The following MTREX variants were observed in gnomAD, a reference collection of about 807,000 sequenced individuals.
The protein encoded by MTREX is Mtr4 exosome RNA helicase.
MTREX carries 76 observed loss-of-function variants against 135.4 expected under a neutral mutation model. The observed-to-expected ratio is 0.56, with a 90% confidence interval of 0.47 to 0.68. The LOEUF is 0.68. MTREX is among the 30% of genes least tolerant of loss of function. MTREX has a pLI of 0.00. For missense variants in MTREX, 920 were observed against 1,262.1 expected, an observed-to-expected ratio of 0.73 and a Z score of 4.11; for synonymous variants, 404 against 401.6, an observed-to-expected ratio of 1.01 and a Z score of -0.07.
At chr5:55,367,810 T>C (rs1179803802) in intron 16 of MTREX, among the ~76,000 whole-genome samples, 1 of 152,208 alleles carries the variant, frequency 6.6e-6, no homozygotes, top group Non-Finnish European at 1.5e-5. Flanking sequence ...TTCATTTGAA[T>C]GTGAAAAAGA....
chr5:55,327,715 G>C lies in MTREX; in HGVS notation c.340-1G>C. 6.2e-7 allele frequency: 1 copy of C among 1,612,044 alleles called. No individual in the cohort carries two copies. Among genetic ancestry groups the C allele is most frequent in the Non-Finnish European group, 8.5e-7 (1 of 1,178,654 alleles). On this transcript the variant is annotated splice_acceptor_variant, in intron 3 of 26. Coordinates refer to ENST00000230640, the MANE Select transcript of MTREX (RefSeq NM_015360.5). LOFTEE classifies it high-confidence loss of function. ...TTTTTTCTTTTTTACTTTGTTGTCA[G>C]GTTGCACTTCCTGCAGAAGAGGATT...
chr5:55,311,404 T>G (rs1280416277), intron 1 of MTREX, among the ~76,000 whole-genome samples: 1 of 152,192 alleles, frequency 6.6e-6, no homozygotes. Flanking sequence ...CCCTACACTG[T>G]TTTTATTGTT....
At chr5:55,391,275 G>A (rs775358490) in intron 19 of MTREX, among the ~76,000 whole-genome samples, 8 of 151,830 alleles carry the variant, frequency 5.3e-5, no homozygotes, top group African/African-American at 2.4e-5. Context: ...AACCCTGTCT[G>A]TACAAAAATA....
chr5:55,355,053 A>G (rs377091550), intron 14 of MTREX, among the ~76,000 whole-genome samples: 2 of 152,306 alleles, frequency 1.3e-5, no homozygotes, highest in East Asian at 3.9e-4. Flanking sequence ...GACATTTCAC[A>G]CAATATGATT....
intron 15 of MTREX, among the ~76,000 whole-genome samples, chr5:55,359,566 G>A (rs551810865): frequency 6.6e-6 from 1 of 152,216 alleles, no homozygotes; most frequent in East Asian, 1.9e-4. Flanking sequence ...TTACATGAGT[G>A]AAGACAAAGC....
Position 55,366,707 on chromosome 5 carries a change from A to AT in MTREX, c.1660-10dup, listed in dbSNP as rs775563472. On this transcript the variant is annotated splice_polypyrimidine_tract_variant and intron_variant, in intron 15 of 26. Coordinates refer to ENST00000230640, the MANE Select transcript of MTREX (RefSeq NM_015360.5). ...TTATTTGGAAAACTACAAAATTGAC[A>AT]TTTTTTTTCTCTCTTAGGGCTCCGC... 1.6e-5 allele frequency: 24 copies of AT among 1,513,512 alleles called. No individual in the cohort carries two copies. The highest frequency in any genetic ancestry group is 4.5e-5 in the Admixed American group (2 of 44,436). The allele number at this position is 1,513,512 out of a possible 1,614,324, so 93.8% of individuals were successfully genotyped here.
intron 2 of MTREX, 95 bp from the exon 3 acceptor site, chr5:55,324,037 C>T: frequency 1.2e-6 from 1 of 829,162 alleles, no homozygotes; most frequent in Non-Finnish European, 2.0e-6. Flanking sequence ...GATGATTGGA[C>T]AGTGTCATTT....
At chr5:55,347,410 T>A (rs1387431541) in intron 11 of MTREX, among the ~76,000 whole-genome samples, 1 of 152,206 alleles carries the variant, frequency 6.6e-6, no homozygotes, top group Admixed American at 6.5e-5. Context: ...TGCCTTCTTA[T>A]ACTTTGTTAC....
chr5:55,317,063 C>T (rs988584517), intron 1 of MTREX, among the ~76,000 whole-genome samples: 1 of 152,072 alleles, frequency 6.6e-6, no homozygotes, highest in African/African-American at 2.4e-5. Flanking sequence ...CACACACACC[C>T]TAGAAATACA....
chr5:55,369,366 A>G (rs1375633310), intron 16 of MTREX, among the ~76,000 whole-genome samples: 1 of 152,250 alleles, frequency 6.6e-6, no homozygotes, highest in Non-Finnish European at 1.5e-5. Context: ...ATAATTATAC[A>G]TACACACACA....
At chr5:55,369,270 G>A (rs1457736361) in intron 16 of MTREX, among the ~76,000 whole-genome samples, 1 of 152,072 alleles carries the variant, frequency 6.6e-6, no homozygotes, top group African/African-American at 2.4e-5. Flanking sequence ...ATTGAAACAG[G>A]TGTAAGATTA....
At chr5:55,378,535 CAT>C (rs750116161) in intron 17 of MTREX, 49 bp downstream of exon 17, 19 of 1,523,426 alleles carry the variant, frequency 1.2e-5, no homozygotes, top group South Asian at 1.3e-5. Context: ...AATATTTAAA[CAT>C]ATTTTTGTTA....
At chr5:55,389,846 A>ATGTTTTATAAATATATTGTTTGCC (rs1750537682) in intron 19 of MTREX, among the ~76,000 whole-genome samples, 1 of 151,940 alleles carries the variant, frequency 6.6e-6, no homozygotes, top group Admixed American at 6.6e-5. Context: ...ATAATTATAT[A>ATGTTTTATAAATATATTGTTTGCC]TGTTTTATAA....
chr5:55,422,782 T>C, intron 25 of MTREX, 96 bp from the exon 26 acceptor site: 1 of 851,610 alleles, frequency 1.2e-6, no homozygotes, highest in African/African-American at 1.7e-5. Flanking sequence ...AAAGTACTAT[T>C]AATTATCGTG....
At position 55,313,591 on chromosome 5, in the gene MTREX, CAG is replaced by C. The variant is rs146103640; in HGVS notation, c.134+5445_134+5446del. Among the ~76,000 whole-genome samples, 697 of 152,212 alleles carry C rather than the reference CAG, an allele frequency of 4.6e-3. 5 individuals carry two copies. Among genetic ancestry groups the C allele is most frequent in the African/African-American group, 0.016 (661 of 41,528 alleles). On this transcript the variant is annotated intron_variant, in intron 1 of 26. Coordinates refer to ENST00000230640, the MANE Select transcript of MTREX (RefSeq NM_015360.5). Reference sequence around the variant, plus strand: ...TTTTGCCCTCAATATATTGTGGTAACAGTGAAAATACTCTGTAGTAGTTCTTT... The same window carrying C: ...TTTTGCCCTCAATATATTGTGGTAACTGAAAATACTCTGTAGTAGTTCTTT...
At chr5:55,323,161 T>C (rs1436789045) in intron 2 of MTREX, among the ~76,000 whole-genome samples, 1 of 152,198 alleles carries the variant, frequency 6.6e-6, no homozygotes, top group Non-Finnish European at 1.5e-5. Context: ...GATGTGTCAC[T>C]GGAATATTTA....
At position 55,369,940 on chromosome 5, in the gene MTREX, A is replaced by T. The variant is rs539676050; in HGVS notation, c.1810+3065A>T. ...CTTTTTTTTTTTTTCTTTTTTTGAG[A>T]CGGAGTTTCATCATTCCTATTGCCC... On this transcript the variant is annotated intron_variant, in intron 16 of 26. Transcript: ENST00000230640. 5.7e-5 allele frequency among the ~76,000 whole-genome samples: 8 copies of T among 140,582 alleles called. 1 individual carries two copies. Among genetic ancestry groups the T allele is most frequent in the Non-Finnish European group, 7.6e-5 (5 of 65,480 alleles). The allele number at this position is 140,582 out of a possible 152,430, so 92.2% of individuals were successfully genotyped here.
intron 5 of MTREX, among the ~76,000 whole-genome samples, chr5:55,338,786 CTTTT>C (rs67612518): frequency 3.3e-4 from 30 of 92,258 alleles, no homozygotes; most frequent in Non-Finnish European, 5.5e-4. Flanking sequence ...CTTTCTTTTT[CTTTT>C]TTTTTTTTTT....
rs184379457 is a variant in MTREX, at chr5:55,339,929, A to T, written c.516-81A>T. 8.7e-4 allele frequency: 943 copies of T among 1,078,058 alleles called. 1 individual carries two copies. The highest frequency in any genetic ancestry group is 3.3e-3 in the Middle Eastern group (10 of 3,054). The allele number at this position is 1,078,058 out of a possible 1,614,324, so 66.8% of individuals were successfully genotyped here. On this transcript the variant is annotated intron_variant, in intron 5 of 26. Coordinates refer to ENST00000230640, the MANE Select transcript of MTREX (RefSeq NM_015360.5). ...AGATAAATAATTAGGGAAAATTTGG[A>T]CACAATTTAAATATTAACAGAATTT...
Sources: allele counts gnomAD v4.1 joint callset (sites outside exome capture counted in the v4.1 genomes callset), GRCh38; gene constraint gnomAD v4.1.1; transcripts MANE v1.5; gene names NCBI Gene and HGNC (gene_info 2026-07-23, HGNC 2026-07-21).